Variants in CHPT1 observed in about 807,000 individuals in gnomAD.
CHPT1 encodes the protein choline phosphotransferase 1.
Under a neutral mutation model 47.6 loss-of-function variants are expected in CHPT1, and 36 were observed. The observed-to-expected ratio is 0.76, with a 90% CI of 0.58 to 1.00. CHPT1 has a LOEUF of 1.00. Among genes scored for constraint, CHPT1 ranks in the 50% least tolerant of loss-of-function variants. CHPT1 has a pLI of 0.00. For synonymous variants in CHPT1, 194 were observed against 186.3 expected (o/e 1.04, Z -0.33); for missense variants, 458 against 498.1 (o/e 0.92, Z 0.77).
intron 5 of CHPT1, among the ~76,000 whole-genome samples, chr12:101,720,738 A>G (rs1232944109): frequency 2.0e-5 from 3 of 152,238 alleles, no homozygotes; most frequent in Non-Finnish European, 4.4e-5. Flanking sequence ...TTAAGTGGGT[A>G]TACTTTGTGC....
chr12:101,710,007 C>T (rs1253204007), intron 1 of CHPT1, among the ~76,000 whole-genome samples: 1 of 149,042 alleles, frequency 6.7e-6, no homozygotes, highest in Non-Finnish European at 1.5e-5. Flanking sequence ...AATAACTGCC[C>T]TATCTCTGTG....
intron 4 of CHPT1, among the ~76,000 whole-genome samples, chr12:101,718,676 A>G (rs1392181772): frequency 6.6e-6 from 1 of 151,982 alleles, no homozygotes; most frequent in East Asian, 1.9e-4. Context: ...AAAAAAAAAA[A>G]AAAAAAGATT....
intron 1 of CHPT1, among the ~76,000 whole-genome samples, chr12:101,711,758 A>G (rs1035734722): frequency 6.7e-6 from 1 of 148,996 alleles, no homozygotes; most frequent in East Asian, 2.0e-4. Flanking sequence ...ATCTATCTAC[A>G]TATCCCATAA....
intron 4 of CHPT1, among the ~76,000 whole-genome samples, chr12:101,717,976 T>C (rs547143992): frequency 6.6e-6 from 1 of 152,318 alleles, no homozygotes; most frequent in South Asian, 2.1e-4. Flanking sequence ...TCCAAGAAGT[T>C]ATGGAGGAAC....
chr12:101,726,374 C>T lies in CHPT1; in HGVS notation c.1146C>T (p.Phe382=), dbSNP rs116668070. The T allele has an allele frequency of 1.3e-3, 2,125 of 1,612,924 alleles. 62 individuals carry two copies. The East Asian group carries it at 0.037, about 28-fold the overall frequency. Residue 382 remains phenylalanine (F), a synonymous_variant, in exon 8 of 9, where the codon TTC becomes TTT. Coordinates refer to ENST00000229266, the MANE Select transcript of CHPT1 (RefSeq NM_020244.3). ...QISRHLHLNI[F]KTACHQAPEQ... The stretch of plus-strand genomic sequence containing the variant: ...CAAGACACCTTCATCTAAATATATT[C>T]AAGACTGCATGTCATCAAGCACCTG...
At chr12:101,727,707 A>T (rs1169020761) in intron 8 of CHPT1, 2 of 152,044 alleles carry the variant, frequency 1.3e-5, no homozygotes, top group Non-Finnish European at 2.9e-5. Context: ...AAGGATGAAT[A>T]GTACTTATGA....
At chr12:101,714,372 C>A in intron 2 of CHPT1, 132 bp from the exon 3 acceptor site, 2 of 1,173,120 alleles carry the variant, frequency 1.7e-6, no homozygotes, top group Non-Finnish European at 2.4e-6. Context: ...GTCAAGAATT[C>A]ATTTTGATAA....
intron 1 of CHPT1, 131 bp downstream of exon 1, chr12:101,698,265 C>A: frequency 7.8e-7 from 1 of 1,288,142 alleles, no homozygotes; most frequent in Non-Finnish European, 9.9e-7. Context: ...CTGGCCACTG[C>A]CCCGGGCGGT....
At chr12:101,719,266 TTG>T (rs1402792499) in intron 4 of CHPT1, among the ~76,000 whole-genome samples, 2 of 151,986 alleles carry the variant, frequency 1.3e-5, no homozygotes, top group East Asian at 3.9e-4. Flanking sequence ...AATCTTAAAA[TTG>T]TTTCACTCAA....
At chr12:101,724,275 A>G (rs1951906695) in intron 7 of CHPT1, among the ~76,000 whole-genome samples, 1 of 152,062 alleles carries the variant, frequency 6.6e-6, no homozygotes, top group South Asian at 2.1e-4. Flanking sequence ...GTTTCTGAGT[A>G]TTTAAAATTA....
At chr12:101,723,642 A>T in intron 6 of CHPT1, 80 bp from the exon 7 acceptor site, 2 of 909,846 alleles carry the variant, frequency 2.2e-6, no homozygotes, top group Non-Finnish European at 3.2e-6. Context: ...ATACTGAATT[A>T]AAGTTATAAT....
chr12:101,725,866 T>C (rs1459750222), intron 7 of CHPT1, among the ~76,000 whole-genome samples: 1 of 152,164 alleles, frequency 6.6e-6, no homozygotes, highest in Non-Finnish European at 1.5e-5. Flanking sequence ...GCTTCAAGTA[T>C]GGTATCTTTT....
chr12:101,698,052 A>C lies in CHPT1; in HGVS notation c.191A>C (p.Asn64Thr). The change falls in exon 1 of 9, where the codon AAC becomes ACC. Residue 64 changes from asparagine (N) to threonine (T), a missense_variant. Asn to Thr is a moderately conservative substitution (Grantham distance 65). Coordinates refer to ENST00000229266, the MANE Select transcript of CHPT1 (RefSeq NM_020244.3). ...TGGATCCCGCTCTGGATGGCCCCCA[A>C]CTCCATCACCCTGCTGGGGCTCGCC... ...LQWIPLWMAPNSITLLGLAVN... is the reference protein window; with the variant it reads ...LQWIPLWMAPTSITLLGLAVN... 1 of 1,576,414 alleles carries C rather than the reference A, an allele frequency of 6.3e-7. No homozygotes were observed. The highest frequency in any genetic ancestry group is 1.1e-5 in the South Asian group (1 of 88,018).
chr12:101,726,330 G>A lies in CHPT1; in HGVS notation c.1102G>A (p.Ala368Thr). The change falls in exon 8 of 9, where the codon GCT becomes ACT. Residue 368 changes from alanine to threonine, a missense_variant. Physicochemically the swap from Ala to Thr is moderately conservative, Grantham distance 58 (BLOSUM62 0). Coordinates refer to ENST00000229266, the MANE Select transcript of CHPT1 (RefSeq NM_020244.3). ...ATTTGATATGGTGATATACTTTAGT[G>A]CTTTGTGCCTGCAAATTTCAAGACA... ...SSFDMVIYFSALCLQISRHLH... is the reference protein window; with the variant it reads ...SSFDMVIYFSTLCLQISRHLH... 6.2e-7 allele frequency: 1 copy of A among 1,612,804 alleles called. No homozygotes were observed.
chr12:101,707,423 C>T (rs1024649185), intron 1 of CHPT1, among the ~76,000 whole-genome samples: 3 of 152,230 alleles, frequency 2.0e-5, no homozygotes, highest in Admixed American at 6.5e-5. Context: ...AACTCATGTG[C>T]TCCTTGGTGT....
intron 5 of CHPT1, among the ~76,000 whole-genome samples, chr12:101,721,069 G>A (rs1951842508): frequency 6.6e-6 from 1 of 152,082 alleles, no homozygotes; most frequent in Admixed American, 6.6e-5. Context: ...ATCACTTGAG[G>A]TCAAGAGTTC....
intron 1 of CHPT1, among the ~76,000 whole-genome samples, chr12:101,705,882 C>T (rs113618531): frequency 0.22 from 30,938 of 142,536 alleles, 3,645 homozygotes; most frequent in Middle Eastern, 0.3. Flanking sequence ...TGCACCCCCA[C>T]GCCCGGCTAA....
Position 101,728,951 on chromosome 12 carries a change from C to A in CHPT1, c.*6C>A. On this transcript the variant is annotated 3_prime_UTR_variant, in exon 9 of 9. Coordinates refer to ENST00000229266, the MANE Select transcript of CHPT1 (RefSeq NM_020244.3). ...ATCAGAATAACATGGATTGAAGAGA[C>A]TTCCGAACACTTGCTATCTCTTGCT... 1 of 1,613,538 alleles carries A rather than the reference C, an allele frequency of 6.2e-7. No individual in the cohort carries two copies. Among genetic ancestry groups the A allele is most frequent in the Non-Finnish European group, 8.5e-7 (1 of 1,179,698 alleles).
At chr12:101,701,638 G>T (rs1201581037) in intron 1 of CHPT1, among the ~76,000 whole-genome samples, 1 of 152,076 alleles carries the variant, frequency 6.6e-6, no homozygotes, top group Non-Finnish European at 1.5e-5. Context: ...GTTTTATTTT[G>T]GTTGTCTGTG....
Sources: gnomAD v4.1 joint callset for allele counts (sites outside exome capture counted in the v4.1 genomes callset) on GRCh38, gnomAD v4.1.1 for gene constraint, MANE v1.5 for transcripts, NCBI Gene and HGNC (gene_info 2026-07-23, HGNC 2026-07-21) for gene names.